PGM3: variants seen among roughly 807,000 people sequenced by gnomAD.
The protein encoded by PGM3 is phosphoglucomutase 3, also known as phosphoacetylglucosamine mutase.
PGM3 carries 40 observed loss-of-function variants against 66.2 expected under a neutral mutation model. The observed-to-expected ratio is 0.60, with a 90% CI of 0.47 to 0.79. The LOEUF (loss-of-function observed/expected upper bound fraction) is 0.79. Ranked by LOEUF, PGM3 falls within the 30% of genes least tolerant of loss-of-function variation. The pLI is 0.00. For synonymous variants in PGM3, 191 were observed against 224.2 expected, an observed-to-expected ratio of 0.85 and a Z score of 1.32; for missense variants, 537 against 643.4, an observed-to-expected ratio of 0.83 and a Z score of 1.79.
rs368294786 is a variant in PGM3 at position 83,176,070 on chromosome 6, A to G, written c.1030-10T>C. The G allele has an allele frequency of 2.8e-6, 4 of 1,430,178 alleles. No homozygotes were observed. Among genetic ancestry groups the G allele is most frequent in the Non-Finnish European group, 3.9e-6 (4 of 1,012,848 alleles). 88.6% of individuals were successfully genotyped at this position (1,430,178 alleles called of 1,614,324 possible). On this transcript the variant is annotated splice_polypyrimidine_tract_variant and intron_variant, in intron 8 of 12. Transcript: ENST00000513973. ...TGCAATAGACAGGTACCTATAACAC[A>G]TGCATTTAAAGAAATACAGCAATTA...
Position 83,169,102 on chromosome 6 carries a change from C to T in PGM3, c.*132G>A, listed in dbSNP as rs1376168397. The T allele has an allele frequency of 3.4e-6, 5 of 1,454,158 alleles. No homozygotes were observed. Among genetic ancestry groups the T allele is most frequent in the Non-Finnish European group, 4.5e-6 (5 of 1,107,082 alleles). 90.1% of individuals were successfully genotyped at this position (1,454,158 alleles called of 1,614,324 possible). ...TTATTCTGTTAGTGTTTAAGAAAAA[C>T]AGATCTAGAGACAATCCAGTAGGCT... On this transcript the variant is annotated 3_prime_UTR_variant, in exon 13 of 13. Coordinates refer to ENST00000513973, the MANE Select transcript of PGM3 (RefSeq NM_015599.3).
Position 83,167,106 on chromosome 6 carries a change from C to CA in PGM3, c.*2127dup, listed in dbSNP as rs1785914601. The CA allele has an allele frequency of 1.0e-6, 1 of 979,400 alleles. No individual in the cohort carries two copies. Among genetic ancestry groups the CA allele is most frequent in the African/African-American group, 1.8e-5 (1 of 57,076 alleles). 60.7% of individuals were successfully genotyped at this position (979,400 alleles called of 1,614,324 possible). A position where few individuals can be genotyped will look rare whatever the true frequency, so the allele number is the denominator to read the frequency against. ...ATTATTAGTCTTTATATTTAGTTGA[C>CA]AGAGTTTTCACATACCTTCTCATTT... On this transcript the variant is annotated 3_prime_UTR_variant, in exon 13 of 13. Transcript: ENST00000513973.
chr6:83,149,663 T>C, the PGM3 span, among the ~76,000 whole-genome samples: 1 of 151,930 alleles, frequency 6.6e-6, no homozygotes, highest in East Asian at 1.9e-4. Flanking sequence ...GGCATGTTAG[T>C]AGTAGTAGGC....
At chr6:83,162,679 T>G, downstream of PGM3, 1 of 1,267,104 alleles carries the variant, frequency 7.9e-7, no homozygotes, top group Non-Finnish European at 1.1e-6. Context: ...CATCTGGCAT[T>G]TGAATTTTTA....
At chr6:83,173,454 TGATA>T (rs1460283113) in intron 10 of PGM3, among the ~76,000 whole-genome samples, 4 of 152,168 alleles carry the variant, frequency 2.6e-5, no homozygotes, top group African/African-American at 9.7e-5. Context: ...CCACAATGAT[TGATA>T]GAAAGCATCA....
chr6:83,174,816 A>G (rs2128489857), intron 9 of PGM3, among the ~76,000 whole-genome samples: 1 of 152,324 alleles, frequency 6.6e-6, no homozygotes, highest in Non-Finnish European at 1.5e-5. Flanking sequence ...TTTCTGTGCA[A>G]CCAGGTTACT....
chr6:83,182,880 T>G lies in PGM3; in HGVS notation c.556A>C (p.Lys186Gln). ...AGTTCCACAAAAGCCTTAGAGAGTTTCTGGTAGTAACCTTCTATAGTTGCC... is the reference window on the plus strand; with the variant it reads ...AGTTCCACAAAAGCCTTAGAGAGTTGCTGGTAGTAACCTTCTATAGTTGCC... ...GKATIEGYYQKLSKAFVELTK... is the reference protein window; with the variant it reads ...GKATIEGYYQQLSKAFVELTK... The change falls in exon 5 of 13, where the codon AAA becomes CAA. Residue 186 changes from lysine (K) to glutamine (Q), a missense_variant. By Grantham distance (53) the Lys-to-Gln change is moderately conservative. Transcript: ENST00000513973. 1 of 1,614,110 alleles carries G rather than the reference T, an allele frequency of 6.2e-7. No individual in the cohort carries two copies. Among genetic ancestry groups the G allele is most frequent in the Non-Finnish European group, 8.5e-7 (1 of 1,179,958 alleles).
Position 83,169,131 on chromosome 6 carries a change from TTGTAAAC to T in PGM3, c.*96_*102del. ...TCTAGAGACAATCCAGTAGGCTGCA[TTGTAAAC>T]ATTATGATTATAAATCTCTTAGTAC... On this transcript the variant is annotated 3_prime_UTR_variant, in exon 13 of 13. Coordinates refer to ENST00000513973, the MANE Select transcript of PGM3 (RefSeq NM_015599.3). 1 of 1,533,576 alleles carries T rather than the reference TTGTAAAC, an allele frequency of 6.5e-7. No homozygotes were observed. The highest frequency in any genetic ancestry group is 1.2e-5 in the South Asian group (1 of 82,512). 95.0% of individuals were successfully genotyped at this position (1,533,576 alleles called of 1,614,324 possible). A position where few individuals can be genotyped will look rare whatever the true frequency, so the allele number is the denominator to read the frequency against.
At chr6:83,186,624 G>A (rs769108417) in intron 4 of PGM3, among the ~76,000 whole-genome samples, 1 of 152,178 alleles carries the variant, frequency 6.6e-6, no homozygotes, top group Non-Finnish European at 1.5e-5. Context: ...TACTTGACAG[G>A]TAACAGCTGA....
the PGM3 span, chr6:83,155,799 C>T: frequency 2.0e-5 from 17 of 835,510 alleles, no homozygotes; most frequent in East Asian, 4.3e-4. Context: ...GATCTGTTTG[C>T]CAGCCTGTCT....
chr6:83,164,990 C>G lies in PGM3; in HGVS notation c.*4244G>C. On this transcript the variant is annotated 3_prime_UTR_variant, in exon 13 of 13. Coordinates refer to ENST00000513973, the MANE Select transcript of PGM3 (RefSeq NM_015599.3). ...CTTGGTCAAGAGCTTAATAAAAGTC[C>G]CTCTCTTAAAGGCTCATCTTGATAG... is the stretch of plus-strand genomic sequence containing the variant. 2.8e-6 allele frequency: 1 copy of G among 356,082 alleles called. No individual in the cohort carries two copies. Among genetic ancestry groups the G allele is most frequent in the Non-Finnish European group, 5.0e-6 (1 of 198,282 alleles). 22.1% of individuals were successfully genotyped at this position (356,082 alleles called of 1,614,324 possible).
chr6:83,170,186 A>C, intron 12 of PGM3, 119 bp downstream of exon 12: 1 of 892,816 alleles, frequency 1.1e-6, no homozygotes, highest in South Asian at 1.8e-5. Context: ...ATGTGAACCT[A>C]AAAGGCTCAA....
chr6:83,176,966 C>T (rs1787817811), intron 8 of PGM3, among the ~76,000 whole-genome samples: 1 of 152,160 alleles, frequency 6.6e-6, no homozygotes, highest in Non-Finnish European at 1.5e-5. Context: ...CTTATTATAA[C>T]CATATATTAA....
rs566186665 is a variant in PGM3 at position 83,190,913 on chromosome 6, G to A, written c.100C>T (p.His34Tyr). The A allele has an allele frequency of 6.2e-7, 1 of 1,614,076 alleles. No homozygotes were observed. The highest frequency in any genetic ancestry group is 8.5e-7 in the Non-Finnish European group (1 of 1,179,946). Residue 34 changes from histidine (H) to tyrosine (Y), a missense_variant, in exon 2 of 13, where the codon CAT (histidine) becomes TAT (tyrosine). Transcript: ENST00000513973. ...ATGCGAAACATGACATGATCAAGAT[G>A]TTCTGCCTTCGTTCGAAATCCAGCA... is the stretch of plus-strand genomic sequence containing the variant. ...GTAGFRTKAE[H>Y]LDHVMFRMGL...
chr6:83,164,620 C>G (rs1785006138), downstream of PGM3: 4 of 1,545,792 alleles, frequency 2.6e-6, no homozygotes, highest in Admixed American at 2.0e-5. Flanking sequence ...ATACTTTTCA[C>G]TGGAACAAAG....
chr6:83,188,819 T>TA (rs1562431043), intron 2 of PGM3, 21 bp from the exon 3 acceptor site: 3 of 1,607,314 alleles, frequency 1.9e-6, no homozygotes, highest in Non-Finnish European at 2.6e-6. Context: ...AAACAAACAA[T>TA]AAGCAATCTG....
At chr6:83,191,863 C>A (rs1179006136) in intron 1 of PGM3, among the ~76,000 whole-genome samples, 2 of 150,082 alleles carry the variant, frequency 1.3e-5, no homozygotes, top group Admixed American at 6.7e-5. Flanking sequence ...TGTTAGCTGG[C>A]GCCTGTAATC....
intron 4 of PGM3, among the ~76,000 whole-genome samples, chr6:83,185,812 G>T (rs1788540767): frequency 6.6e-6 from 1 of 151,956 alleles, no homozygotes; most frequent in African/African-American, 2.4e-5. Flanking sequence ...AAAAAAGGTA[G>T]CTCAAGCTAT....
chr6:83,167,483 G>C lies in PGM3; in HGVS notation c.*1751C>G. On this transcript the variant is annotated 3_prime_UTR_variant, in exon 13 of 13. Coordinates refer to ENST00000513973, the MANE Select transcript of PGM3 (RefSeq NM_015599.3). ...ATAAAGCACTTTGTTCCTTTTTTCT[G>C]TAGTAATTTTGTGACCTAGTCCTTG... The C allele has an allele frequency of 1.0e-6, 1 of 996,994 alleles. No homozygotes were observed. Among genetic ancestry groups the C allele is most frequent in the Non-Finnish European group, 1.2e-6 (1 of 837,492 alleles). 61.8% of individuals were successfully genotyped at this position (996,994 alleles called of 1,614,324 possible).
Sources: gnomAD v4.1 joint callset for allele counts (sites outside exome capture counted in the v4.1 genomes callset) on GRCh38, gnomAD v4.1.1 for gene constraint, MANE v1.5 for transcripts, NCBI Gene and HGNC (gene_info 2026-07-23, HGNC 2026-07-21) for gene names.